CLDN14: variants seen among roughly 807,000 people sequenced by gnomAD.
The protein encoded by CLDN14 is claudin 14, also known as claudin-14.
CLDN14 carries 2 observed loss-of-function variants against 2.1 expected under a neutral mutation model. The observed-to-expected ratio is 0.96, with a 90% CI of 0.39 to 3.01. The LOEUF is 3.01. Ranked by LOEUF, CLDN14 falls within the 30% of genes most tolerant of loss-of-function variation. The probability of loss-of-function intolerance (pLI) is 0.09; values close to 1 mark genes in which losing one functional copy is unlikely to be tolerated. For synonymous variants in CLDN14, 136 were observed against 154.4 expected (o/e 0.88, Z 0.88); for missense variants, 298 against 328.0 (o/e 0.91, Z 0.71).
chr21:36,484,964 G>A (rs373148144), upstream of CLDN14, among the ~76,000 whole-genome samples: 1,701 of 146,528 alleles, frequency 0.012, 35 homozygotes, highest in Admixed American at 0.027. Flanking sequence ...CGCCTGCCTC[G>A]GCCTCCCAAA....
At chr21:36,548,864 G>C (rs2087543610) in intron 1 of CLDN14, among the ~76,000 whole-genome samples, 1 of 152,132 alleles carries the variant, frequency 6.6e-6, no homozygotes, top group Admixed American at 6.5e-5. Context: ...TCTCTCCAAA[G>C]CAAGGCCTTC....
intron 1 of CLDN14, among the ~76,000 whole-genome samples, chr21:36,464,023 T>C (rs1339074225): frequency 6.6e-6 from 1 of 152,160 alleles, no homozygotes; most frequent in Non-Finnish European, 1.5e-5. Context: ...CCAAATCTCA[T>C]GTCGAATGGC....
At chr21:36,470,005 A>T (rs1005124678) in intron 1 of CLDN14, among the ~76,000 whole-genome samples, 16 of 151,854 alleles carry the variant, frequency 1.1e-4, no homozygotes, top group East Asian at 3.9e-4. Context: ...ATCTGAGATT[A>T]AAAAAAATAC....
At chr21:36,497,742 G>A (rs1319830924) in intron 2 of CLDN14, among the ~76,000 whole-genome samples, 8 of 152,092 alleles carry the variant, frequency 5.3e-5, no homozygotes, top group Non-Finnish European at 1.2e-4. Context: ...CCCCCGCCCA[G>A]GTCCCAACCA....
chr21:36,509,248 T>A (rs1424076169), intron 2 of CLDN14, among the ~76,000 whole-genome samples: 1 of 152,130 alleles, frequency 6.6e-6, no homozygotes, highest in Non-Finnish European at 1.5e-5. Flanking sequence ...ACTTCCGGTG[T>A]CCGCCATCTT....
At chr21:36,502,226 G>A (rs1427790229) in intron 2 of CLDN14, among the ~76,000 whole-genome samples, 1 of 152,198 alleles carries the variant, frequency 6.6e-6, no homozygotes, top group African/African-American at 2.4e-5. Context: ...CAGATTTGAT[G>A]AGTTTAATAA....
At chr21:36,505,266 A>T (rs2087122193) in intron 2 of CLDN14, among the ~76,000 whole-genome samples, 1 of 152,216 alleles carries the variant, frequency 6.6e-6, no homozygotes, top group Admixed American at 6.5e-5. Context: ...TTTTTCCAGT[A>T]ATTCAATTCT....
Position 36,460,864 on chromosome 21 carries a change from G to C in CLDN14, c.*112C>G. 3.2e-6 allele frequency: 4 copies of C among 1,256,306 alleles called. No individual in the cohort carries two copies. The highest frequency in any genetic ancestry group is 4.5e-6 in the Non-Finnish European group (4 of 889,666). 77.8% of individuals were successfully genotyped at this position (1,256,306 alleles called of 1,614,324 possible). ...TTCCTCGCATTCACATTATTTCCTT[G>C]GATACAAAAATTGCCCAGAAGTAAA... On this transcript the variant is annotated 3_prime_UTR_variant, in exon 2 of 2. Coordinates refer to ENST00000399135, the MANE Select transcript of CLDN14 (RefSeq NM_001146079.2). The surrounding 1 kb of genome is among the most constrained non-coding windows in gnomAD (Gnocchi z 4.0).
upstream of CLDN14, among the ~76,000 whole-genome samples, chr21:36,483,496 C>T (rs1219141041): frequency 1.3e-5 from 2 of 152,168 alleles, no homozygotes; most frequent in Admixed American, 1.3e-4. Context: ...GGCCTAGAGG[C>T]CACGTGAGGT....
rs527503261 is a variant in CLDN14, at chr21:36,544,751, C to G, written c.-220+31660G>C. Among the ~76,000 whole-genome samples the G allele has an allele frequency of 1.3e-5, 2 of 152,168 alleles. No individual in the cohort carries two copies. Among genetic ancestry groups the G allele is most frequent in the African/African-American group, 4.8e-5 (2 of 41,434 alleles). Reference sequence around the variant, plus strand: ...AGCTTGGAGAGATGGGCAGCGATCACGCTGAAATATGATGACAGGGGCAAG... The same window carrying G: ...AGCTTGGAGAGATGGGCAGCGATCAGGCTGAAATATGATGACAGGGGCAAG... On this transcript the variant is annotated intron_variant, in intron 1 of 2. Transcript: ENST00000342108. The surrounding 1 kb of genome is among the most constrained non-coding windows in gnomAD (Gnocchi z 4.1).
At chr21:36,479,147 C>A (rs1018486415) in intron 1 of CLDN14, among the ~76,000 whole-genome samples, 1 of 152,200 alleles carries the variant, frequency 6.6e-6, no homozygotes, top group Non-Finnish European at 1.5e-5. Context: ...GCTCCCCGAG[C>A]TGAGCTGTGG....
chr21:36,555,119 C>G (rs1601635385), intron 1 of CLDN14, among the ~76,000 whole-genome samples: 1 of 152,226 alleles, frequency 6.6e-6, no homozygotes, highest in African/African-American at 2.4e-5. Context: ...GAATGGATAC[C>G]TATAACTCCG....
chr21:36,532,535 A>C (rs1342118239), intron 1 of CLDN14: 1 of 152,142 alleles, frequency 6.6e-6, no homozygotes, highest in African/African-American at 2.4e-5. Context: ...AACATGGCAC[A>C]TGTATAGATA....
At chr21:36,486,415 G>A (rs758687428) in intron 2 of CLDN14, 23 of 1,249,266 alleles carry the variant, frequency 1.8e-5, no homozygotes, top group Middle Eastern at 1.9e-4. Flanking sequence ...TCATCCTGCC[G>A]CTGCTGCTGC....
intron 1 of CLDN14, among the ~76,000 whole-genome samples, chr21:36,521,717 T>C (rs1180207879): frequency 2.0e-5 from 3 of 152,128 alleles, no homozygotes; most frequent in Non-Finnish European, 2.9e-5. Flanking sequence ...GGACATAGAC[T>C]GGAGAAGGCA....
intron 2 of CLDN14, among the ~76,000 whole-genome samples, chr21:36,496,743 AAGGAAGGG>A (rs1302538561): frequency 9.0e-3 from 6 of 668 alleles, no homozygotes; most frequent in Admixed American, 0.06. Flanking sequence ...GGGAGGGAGG[AAGGAAGGG>A]AGGGAGGGAG....
chr21:36,513,694 G>A (rs1256547258), intron 1 of CLDN14, among the ~76,000 whole-genome samples: 1 of 152,180 alleles, frequency 6.6e-6, no homozygotes, highest in Non-Finnish European at 1.5e-5. Context: ...AGGCAGAGAA[G>A]TCATCCTGAG....
At chr21:36,503,959 C>A (rs924448204) in intron 2 of CLDN14, among the ~76,000 whole-genome samples, 3 of 149,936 alleles carry the variant, frequency 2.0e-5, no homozygotes, top group African/African-American at 7.4e-5. Flanking sequence ...AAGATGCCAT[C>A]AATTGTAAGA....
At chr21:36,562,461 G>A (rs868475651) in intron 1 of CLDN14, among the ~76,000 whole-genome samples, 1 of 152,104 alleles carries the variant, frequency 6.6e-6, no homozygotes. Flanking sequence ...CCATTTTCTG[G>A]CTCTTAAACC....
Sources: gnomAD v4.1 joint callset for allele counts (sites outside exome capture counted in the v4.1 genomes callset) on GRCh38, gnomAD v4.1.1 for gene constraint, Gnocchi (gnomAD v3.1) non-coding constraint, MANE v1.5 for transcripts, NCBI Gene and HGNC (gene_info 2026-07-23, HGNC 2026-07-21) for gene names.